The following JAK2 variants were observed in gnomAD, a reference collection of about 807,000 sequenced individuals.
JAK2 encodes tyrosine-protein kinase JAK2.
JAK2 carries 86 observed loss-of-function variants against 139.3 expected under a neutral mutation model. The observed-to-expected ratio is 0.62, with a 90% confidence interval of 0.52 to 0.74. The LOEUF (loss-of-function observed/expected upper bound fraction) is 0.74, where lower values mean the gene tolerates loss of function less well. Among genes scored for constraint, JAK2 ranks in the 30% least tolerant of loss-of-function variants. The pLI, the probability that JAK2 is intolerant of heterozygous loss-of-function variation, is 0.00. For synonymous variants in JAK2, 490 were observed against 437.7 expected, an observed-to-expected ratio of 1.12 and a Z score of -1.49; for missense variants, 1,421 against 1,360.3, an observed-to-expected ratio of 1.04 and a Z score of -0.70.
chr9:4,986,349 A>G (rs1307931715), intron 2 of JAK2, among the ~76,000 whole-genome samples: 1 of 152,250 alleles, frequency 6.6e-6, no homozygotes, highest in Non-Finnish European at 1.5e-5. Context: ...ATTTCCAAGC[A>G]ATAAGAGATA....
chr9:5,031,057 A>ATCTTCTTTATCTATTATAT (rs1823114933), intron 4 of JAK2, among the ~76,000 whole-genome samples: 1 of 152,170 alleles, frequency 6.6e-6, no homozygotes, highest in Non-Finnish European at 1.5e-5. Flanking sequence ...ACAGTATAGG[A>ATCTTCTTTATCTATTATAT]AAATTAGAAA....
intron 7 of JAK2, 25 bp from the exon 8 acceptor site, chr9:5,055,644 T>C: frequency 6.6e-7 from 1 of 1,511,902 alleles, no homozygotes; most frequent in Non-Finnish European, 9.1e-7. Context: ...TACCCGTTTT[T>C]AATTTTACAT....
chr9:5,069,238 T>C, intron 11 of JAK2, 30 bp downstream of exon 11: 1 of 1,462,412 alleles, frequency 6.8e-7, no homozygotes, highest in South Asian at 1.2e-5. Context: ...ATTTTTAAAT[T>C]ACTGGTCATG....
At chr9:5,046,632 C>T (rs752818871) in intron 5 of JAK2, among the ~76,000 whole-genome samples, 5 of 152,166 alleles carry the variant, frequency 3.3e-5, no homozygotes, top group Non-Finnish European at 7.4e-5. Flanking sequence ...GTTTTCCTAG[C>T]ACCATTTGTT....
At chr9:5,112,524 GA>G in intron 22 of JAK2, 3 of 586,520 alleles carry the variant, frequency 5.1e-6, no homozygotes, top group Non-Finnish European at 3.1e-6. Flanking sequence ...CCCCAGAGCA[GA>G]AGGCCGAGTG....
At chr9:5,019,114 A>G (rs904714308) in intron 2 of JAK2, among the ~76,000 whole-genome samples, 4 of 152,078 alleles carry the variant, frequency 2.6e-5, no homozygotes, top group African/African-American at 9.7e-5. Flanking sequence ...ATACTTGGGT[A>G]GTTTTCAGCT....
At chr9:5,055,182 C>T (rs574596277) in intron 7 of JAK2, among the ~76,000 whole-genome samples, 1 of 151,990 alleles carries the variant, frequency 6.6e-6, no homozygotes, top group East Asian at 1.9e-4. Flanking sequence ...CTAGTGATAA[C>T]AGAAGGCATA....
intron 22 of JAK2, chr9:5,111,135 C>A (rs1216926495): frequency 9.7e-7 from 1 of 1,030,890 alleles, no homozygotes. Context: ...GCTGGACGTT[C>A]AGCGAAGGCG....
chr9:5,054,228 A>G lies in JAK2; in HGVS notation c.615-335A>G, dbSNP rs1250081397. On this transcript the variant is annotated intron_variant, in intron 6 of 24. Coordinates refer to ENST00000381652, the MANE Select transcript of JAK2 (RefSeq NM_004972.4). This position sits in a 1 kb window ranked among gnomAD's most constrained non-coding sequence, Gnocchi z 4.9. Reference sequence around the variant, plus strand: ...TATATGCCAAAATATTATCTTATAAACCATTAACTCTGGTATGTGAAATAG... The same window carrying G: ...TATATGCCAAAATATTATCTTATAAGCCATTAACTCTGGTATGTGAAATAG... 6.6e-6 allele frequency among the ~76,000 whole-genome samples: 1 copy of G among 152,052 alleles called. No individual in the cohort carries two copies. Among genetic ancestry groups the G allele is most frequent in the East Asian group, 1.9e-4 (1 of 5,196 alleles).
chr9:5,080,375 C>CA lies in JAK2; in HGVS notation c.2281dup (p.Arg761LysfsTer7). The CA allele has an allele frequency of 6.2e-7, 1 of 1,611,472 alleles. No individual in the cohort carries two copies. Among genetic ancestry groups the CA allele is most frequent in the Non-Finnish European group, 8.5e-7 (1 of 1,178,676 alleles). On this transcript the variant is annotated frameshift_variant, in exon 17 of 25. Coordinates refer to ENST00000381652, the MANE Select transcript of JAK2 (RefSeq NM_004972.4). LOFTEE classifies it high-confidence loss of function. ...TAAACCTCTAAGTGCTCTGGATTCT[C>CA]AAAGAGTAAGTTTATATAGACTAAG...
At chr9:5,042,978 G>A (rs1281810776) in intron 4 of JAK2, among the ~76,000 whole-genome samples, 1 of 152,242 alleles carries the variant, frequency 6.6e-6, no homozygotes. Flanking sequence ...CCGACCCTCA[G>A]AAGCTGAGGG....
chr9:5,112,681 C>T (rs1411699441), intron 22 of JAK2: 3 of 934,374 alleles, frequency 3.2e-6, no homozygotes, highest in Non-Finnish European at 4.5e-6. Flanking sequence ...CCGTCTCGGT[C>T]ATCCTGAATT....
intron 3 of JAK2, among the ~76,000 whole-genome samples, chr9:5,024,871 C>G (rs1308289656): frequency 6.6e-6 from 1 of 152,170 alleles, no homozygotes; most frequent in East Asian, 1.9e-4. Flanking sequence ...TTAAGGTTGG[C>G]TCTGTTCACT....
rs745587711 is a variant in JAK2 at position 5,044,437 on chromosome 9, A to C, written c.385A>C (p.Asn129His). 6.2e-7 allele frequency: 1 copy of C among 1,613,300 alleles called. No individual in the cohort carries two copies. Among genetic ancestry groups the C allele is most frequent in the South Asian group, 1.1e-5 (1 of 90,996 alleles). ...TCCTCGTTGGTATTGCAGTGGCAGC[A>C]ACAGAGCCTATCGGCATGGAATATC... ...YFPRWYCSGS[N>H]RAYRHGISRG... The change falls in exon 5 of 25, where the codon AAC (asparagine) becomes CAC (histidine). Residue 129 changes from asparagine to histidine, a missense_variant. By Grantham distance (68) the Asn-to-His change is moderately conservative. Coordinates refer to ENST00000381652, the MANE Select transcript of JAK2 (RefSeq NM_004972.4).
At chr9:5,099,676 C>G (rs752639661) in intron 22 of JAK2, 2 of 152,096 alleles carry the variant, frequency 1.3e-5, no homozygotes. Flanking sequence ...AATTAGTAAC[C>G]GATTATTTTC....
chr9:5,046,652 T>C (rs1012803311), intron 5 of JAK2, among the ~76,000 whole-genome samples: 2 of 152,196 alleles, frequency 1.3e-5, no homozygotes, highest in Non-Finnish European at 1.5e-5. Context: ...TGAAAGACTG[T>C]CTTTTCTCCA....
intron 22 of JAK2, among the ~76,000 whole-genome samples, chr9:5,103,221 C>CAAAAAAAAAAAAAAAAAAAAAA (rs56691830): frequency 2.9e-4 from 2 of 6,874 alleles, no homozygotes; most frequent in African/African-American, 5.9e-4. Flanking sequence ...AAAGGGAAAG[C>CAAAAAAAAAAAAAAAAAAAAAA]AAAAAAAAAA....
chr9:5,073,812 G>C (rs767470671), intron 14 of JAK2, 27 bp downstream of exon 14: 1 of 1,388,444 alleles, frequency 7.2e-7, no homozygotes, highest in Non-Finnish European at 1.0e-6. Context: ...GCTTTCTAAT[G>C]CCTTTCTCAG....
chr9:5,050,588 T>G lies in JAK2; in HGVS notation c.469-98T>G, dbSNP rs1817346161. The stretch of plus-strand genomic sequence containing the variant: ...GCCTGGCCAATTTGTATCTTGTAAA[T>G]GCATATGTTCTGAAAATTATGATTA... On this transcript the variant is annotated intron_variant, in intron 5 of 24. Transcript: ENST00000381652. The G allele has an allele frequency of 7.2e-6, 9 of 1,258,476 alleles. No homozygotes were observed. In the South Asian group the frequency reaches 1.1e-4, roughly 16 times the overall value. 78.0% of individuals were successfully genotyped at this position (1,258,476 alleles called of 1,614,324 possible).
Sources: allele counts gnomAD v4.1 joint callset (sites outside exome capture counted in the v4.1 genomes callset), GRCh38; gene constraint gnomAD v4.1.1; non-coding constraint Gnocchi (gnomAD v3.1); transcripts MANE v1.5; gene names NCBI Gene and HGNC (gene_info 2026-07-23, HGNC 2026-07-21).